Variants in HSF4 observed in about 807,000 individuals in gnomAD.
HSF4 encodes heat shock transcription factor 4.
Under a neutral mutation model 52.0 loss-of-function variants are expected in HSF4, and 41 were observed. The observed-to-expected ratio is 0.79, with a 90% CI of 0.61 to 1.02. The LOEUF (loss-of-function observed/expected upper bound fraction) is 1.02. HSF4 is among the 50% of genes least tolerant of loss of function. The probability of loss-of-function intolerance (pLI) is 0.00; values close to 1 mark genes in which losing one functional copy is unlikely to be tolerated. For synonymous variants in HSF4, 285 were observed against 273.0 expected, an observed-to-expected ratio of 1.04 and a Z score of -0.43; for missense variants, 610 against 651.1, an observed-to-expected ratio of 0.94 and a Z score of 0.69.
upstream of HSF4, chr16:67,164,687 C>T (rs2272420): frequency 1.4e-4 from 169 of 1,206,830 alleles, 1 homozygote; most frequent in East Asian, 5.0e-3. Context: ...TTGCACGTGG[C>T]CCCCGCCTGA....
rs372883466 is a variant in HSF4 at position 67,165,489 on chromosome 16, G to A, written c.124-33G>A. On this transcript the variant is annotated intron_variant, in intron 1 of 12. Coordinates refer to ENST00000521374, the MANE Select transcript of HSF4 (RefSeq NM_001374675.1). The surrounding 1 kb of genome is among the most constrained non-coding windows in gnomAD (Gnocchi z 6.9). The stretch of plus-strand genomic sequence containing the variant: ...GGCACCGCTCACCCTCCTGGTCTCC[G>A]CCCGCACGGTGGGCGGGCGGCGTTC... The A allele has an allele frequency of 1.0e-5, 16 of 1,598,800 alleles. No homozygotes were observed. Among genetic ancestry groups the A allele is most frequent in the African/African-American group, 2.7e-5 (2 of 74,590 alleles).
At position 67,169,730 on chromosome 16, in the gene HSF4, C is replaced by T. The variant is rs1290812813; in HGVS notation, c.1424C>T (p.Thr475Ile). ...GLPGALTIYS[T>I]PESRTASYLG... The stretch of plus-strand genomic sequence containing the variant: ...CCTGGGGCTTTAACCATTTATAGCA[C>T]TCCTGAGAGCCGGACTGCCTCCTAC... The change falls in exon 13 of 13, where the codon ACT becomes ATT. Residue 475 changes from threonine to isoleucine, a missense_variant. Transcript: ENST00000521374. The surrounding 1 kb of genome is among the most constrained non-coding windows in gnomAD (Gnocchi z 4.3). The T allele has an allele frequency of 1.2e-6, 2 of 1,613,026 alleles. No individual in the cohort carries two copies. The highest frequency in any genetic ancestry group is 2.7e-5 in the African/African-American group (2 of 74,926).
Position 67,167,706 on chromosome 16 carries a change from T to C in HSF4, c.855-14T>C, listed in dbSNP as rs745828590. 6.2e-7 allele frequency: 1 copy of C among 1,611,618 alleles called. No individual in the cohort carries two copies. Among genetic ancestry groups the C allele is most frequent in the African/African-American group, 1.3e-5 (1 of 74,924 alleles). ...TCAGTGCCAGGGTCTGGTTGAAGCT[T>C]TTCTCTGGTGCAGGGAGAAGGGCCT... is the stretch of plus-strand genomic sequence containing the variant. On this transcript the variant is annotated splice_polypyrimidine_tract_variant and intron_variant, in intron 8 of 12. Coordinates refer to ENST00000521374, the MANE Select transcript of HSF4 (RefSeq NM_001374675.1).
At position 67,165,878 on chromosome 16, in the gene HSF4, G is replaced by A. The variant is rs1409194856; in HGVS notation, c.360+32G>A. The A allele has an allele frequency of 6.3e-7, 1 of 1,597,372 alleles. No homozygotes were observed. Among genetic ancestry groups the A allele is most frequent in the Non-Finnish European group, 8.5e-7 (1 of 1,178,550 alleles). On this transcript the variant is annotated intron_variant, in intron 3 of 12. Transcript: ENST00000521374. The surrounding 1 kb of genome is among the most constrained non-coding windows in gnomAD (Gnocchi z 6.9). Reference sequence around the variant, plus strand: ...GCGGCCTGCGGGAATGAGCAAAGAGGAGGAGGGGTGCTGGGACTGCCTGCC... The same window carrying A: ...GCGGCCTGCGGGAATGAGCAAAGAGAAGGAGGGGTGCTGGGACTGCCTGCC...
At position 67,165,432 on chromosome 16, in the gene HSF4, C is replaced by A; in HGVS notation, c.124-90C>A. The stretch of plus-strand genomic sequence containing the variant: ...ACCCAAGAGTGAGCATGAGTGTGTG[C>A]GCGCGCTGGAGCGCAGGACTGGCCG... On this transcript the variant is annotated intron_variant, in intron 1 of 12. Coordinates refer to ENST00000521374, the MANE Select transcript of HSF4 (RefSeq NM_001374675.1). The surrounding 1 kb of genome is among the most constrained non-coding windows in gnomAD (Gnocchi z 6.9). 5 of 1,179,646 alleles carry A rather than the reference C, an allele frequency of 4.2e-6. No individual in the cohort carries two copies. The highest frequency in any genetic ancestry group is 2.5e-6 in the Non-Finnish European group (2 of 790,272). 73.1% of individuals were successfully genotyped at this position (1,179,646 alleles called of 1,614,324 possible). A position where few individuals can be genotyped will look rare whatever the true frequency, so the allele number is the denominator to read the frequency against.
rs758048453 is a variant in HSF4 at position 67,168,849 on chromosome 16, A to G, written c.1101A>G (p.Glu367=). ...EIPDRGPLGL[E]SGDRSPESLL... ...TGCACAGGGGGCCTCTGGGCCTGGAAAGCGGGGACAGGAGCCCAGAGAGTC... is the reference window on the plus strand; with the variant it reads ...TGCACAGGGGGCCTCTGGGCCTGGAGAGCGGGGACAGGAGCCCAGAGAGTC... The change falls in exon 10 of 13, where the codon GAA becomes GAG. Residue 367 remains glutamate, a synonymous_variant. Coordinates refer to ENST00000521374, the MANE Select transcript of HSF4 (RefSeq NM_001374675.1). 1 of 1,613,848 alleles carries G rather than the reference A, an allele frequency of 6.2e-7. No individual in the cohort carries two copies. Among genetic ancestry groups the G allele is most frequent in the South Asian group, 1.1e-5 (1 of 91,078 alleles).
intron 7 of HSF4, 48 bp from the exon 8 acceptor site, chr16:67,167,427 C>T (rs745879099): frequency 2.5e-6 from 4 of 1,613,566 alleles, no homozygotes; most frequent in East Asian, 2.2e-5. Context: ...GGTTCTGGCT[C>T]TCCCTGTGCC....
rs749316512 is a variant in HSF4, at chr16:67,167,559, CCT to C, written c.815_816del (p.Pro272ArgfsTer10). 2.5e-6 allele frequency: 4 copies of C among 1,613,640 alleles called. No individual in the cohort carries two copies. Among genetic ancestry groups the C allele is most frequent in the Non-Finnish European group, 2.5e-6 (3 of 1,180,018 alleles). ...TGACATCCCAGAAGACTCTCCATCC[CCT>C]GAGGGGACCAGGCTTTCTCCCTCCA... ...ISDIPEDSPSPEGTRLSPSSD... is the reference protein window; with the variant it reads ...ISDIPEDSPSXEGTRLSPSSD... On this transcript the variant is annotated frameshift_variant, in exon 8 of 13. Coordinates refer to ENST00000521374, the MANE Select transcript of HSF4 (RefSeq NM_001374675.1). LOFTEE classifies it high-confidence loss of function.
Position 67,169,911 on chromosome 16 carries a change from C to G in HSF4, c.*126C>G. The G allele has an allele frequency of 1.1e-6, 1 of 931,268 alleles. No homozygotes were observed. Among genetic ancestry groups the G allele is most frequent in the Non-Finnish European group, 1.7e-6 (1 of 586,726 alleles). 57.7% of individuals were successfully genotyped at this position (931,268 alleles called of 1,614,324 possible). A position where few individuals can be genotyped will look rare whatever the true frequency, so the allele number is the denominator to read the frequency against. The stretch of plus-strand genomic sequence containing the variant: ...AAATGGCCTCTCTCCACTACCCCGA[C>G]TATCCCTGCACATAAACTCCGTTTT... On this transcript the variant is annotated 3_prime_UTR_variant, in exon 13 of 13. Coordinates refer to ENST00000521374, the MANE Select transcript of HSF4 (RefSeq NM_001374675.1). The surrounding 1 kb of genome is among the most constrained non-coding windows in gnomAD (Gnocchi z 4.3).
chr16:67,163,807 C>T (rs765009599), upstream of HSF4: 1 of 1,551,284 alleles, frequency 6.4e-7, no homozygotes, highest in Non-Finnish European at 8.7e-7. Flanking sequence ...TGGAGGCCTA[C>T]GCTCGTGGCG....
rs1049785525 is a variant in HSF4 at position 67,169,300 on chromosome 16, C to A, written c.1276C>A (p.Arg426=). Residue 426 remains arginine (R), a synonymous_variant, in exon 12 of 13, where the codon CGG becomes AGG. Transcript: ENST00000521374. The surrounding 1 kb of genome is among the most constrained non-coding windows in gnomAD (Gnocchi z 4.3). ...GCAGATGCAGCCCTTGGTTCCAGAG[C>A]GGGGTGAGCCTGAGCTGGCGGTCAA... ...LSLMQPLVPE[R]GEPELAVKGL... 2.5e-6 allele frequency: 4 copies of A among 1,613,528 alleles called. No individual in the cohort carries two copies. The Admixed American group carries it at 5.0e-5, about 20-fold the overall frequency.
At position 67,165,924 on chromosome 16, in the gene HSF4, C is replaced by T. The variant is rs1431339667; in HGVS notation, c.361-22C>T. On this transcript the variant is annotated intron_variant, in intron 3 of 12. Coordinates refer to ENST00000521374, the MANE Select transcript of HSF4 (RefSeq NM_001374675.1). The surrounding 1 kb of genome is among the most constrained non-coding windows in gnomAD (Gnocchi z 6.9). ...CTGCCTTGCTCCTGCGACCCAGTCC[C>T]GACGGTGCCTCCCGCCTGCAGGTGC... The T allele has an allele frequency of 1.3e-6, 2 of 1,583,992 alleles. No homozygotes were observed. Among genetic ancestry groups the T allele is most frequent in the Admixed American group, 3.4e-5 (2 of 58,224 alleles).
In HSF4 at chr16:67,165,871, C is replaced by CAA; in HGVS notation, c.360+27_360+28dup. On this transcript the variant is annotated intron_variant, in intron 3 of 12. Transcript: ENST00000521374. The surrounding 1 kb of genome is among the most constrained non-coding windows in gnomAD (Gnocchi z 6.9). The stretch of plus-strand genomic sequence containing the variant: ...GGTGGGGGCGGCCTGCGGGAATGAG[C>CAA]AAAGAGGAGGAGGGGTGCTGGGACT... 9 of 1,598,588 alleles carry CAA rather than the reference C, an allele frequency of 5.6e-6. No homozygotes were observed. The highest frequency in any genetic ancestry group is 7.6e-6 in the Non-Finnish European group (9 of 1,178,652).
chr16:67,164,989 G>T, intron 1 of HSF4, 55 bp downstream of exon 1: 1 of 1,521,848 alleles, frequency 6.6e-7, no homozygotes. Flanking sequence ...CTCCACGTCA[G>T]TGAACACCCA....
rs749039219 is a variant in HSF4, at chr16:67,166,379, A to G, written c.545A>G (p.His182Arg). 4.3e-6 allele frequency: 7 copies of G among 1,609,664 alleles called. No individual in the cohort carries two copies. The South Asian group carries it at 6.6e-5, about 15-fold the overall frequency. Reference protein sequence around the residue: ...VTLRQSHGQQHRVIGKLIQCL... With the variant: ...VTLRQSHGQQRRVIGKLIQCL... Reference sequence around the variant, plus strand: ...CTTCGGCAGAGCCACGGTCAGCAGCACCGGGTCATTGGCAAGGTGTTCCTC... The same window carrying G: ...CTTCGGCAGAGCCACGGTCAGCAGCGCCGGGTCATTGGCAAGGTGTTCCTC... Residue 182 changes from histidine (H) to arginine (R), a missense_variant, in exon 5 of 13, where the codon CAC becomes CGC. By Grantham distance (29) the His-to-Arg change is conservative. Transcript: ENST00000521374.
At position 67,169,362 on chromosome 16, in the gene HSF4, T is replaced by G. The variant is rs1376781044; in HGVS notation, c.1324+14T>G. 6.2e-6 allele frequency: 10 copies of G among 1,610,916 alleles called. No homozygotes were observed. On this transcript the variant is annotated intron_variant, in intron 12 of 12. Coordinates refer to ENST00000521374, the MANE Select transcript of HSF4 (RefSeq NM_001374675.1). The surrounding 1 kb of genome is among the most constrained non-coding windows in gnomAD (Gnocchi z 4.3). ...CTCCAAGCCCAGGTAATGGTTGTGA[T>G]GACTCCTACCTGGGAGGACGCCGTG...
chr16:67,169,033 C>T lies in HSF4; in HGVS notation c.1189-3C>T. On this transcript the variant is annotated splice_polypyrimidine_tract_variant and splice_region_variant and intron_variant, in intron 10 of 12. Coordinates refer to ENST00000521374, the MANE Select transcript of HSF4 (RefSeq NM_001374675.1). The surrounding 1 kb of genome is among the most constrained non-coding windows in gnomAD (Gnocchi z 4.3). ...GGCACCACTGACCCAGAGCTCTCCTCAGGTGCTGGGCCCCAGTCTCCAAGG... is the reference window on the plus strand; with the variant it reads ...GGCACCACTGACCCAGAGCTCTCCTTAGGTGCTGGGCCCCAGTCTCCAAGG... 6.2e-7 allele frequency: 1 copy of T among 1,613,964 alleles called. No individual in the cohort carries two copies. Among genetic ancestry groups the T allele is most frequent in the Admixed American group, 1.7e-5 (1 of 60,030 alleles).
upstream of HSF4, chr16:67,163,977 C>G (rs1427801641): frequency 8.8e-7 from 1 of 1,138,102 alleles, no homozygotes; most frequent in African/African-American, 1.5e-5. Context: ...CGGGACCAGT[C>G]CTGGGCGCCC....
Position 67,165,913 on chromosome 16 carries a change from C to A in HSF4, c.361-33C>A, listed in dbSNP as rs751239474. 5.7e-6 allele frequency: 9 copies of A among 1,587,840 alleles called. No homozygotes were observed. The highest frequency in any genetic ancestry group is 1.1e-5 in the South Asian group (1 of 89,954). On this transcript the variant is annotated intron_variant, in intron 3 of 12. Coordinates refer to ENST00000521374, the MANE Select transcript of HSF4 (RefSeq NM_001374675.1). This position sits in a 1 kb window ranked among gnomAD's most constrained non-coding sequence, Gnocchi z 6.9. ...GCTGGGACTGCCTGCCTTGCTCCTG[C>A]GACCCAGTCCCGACGGTGCCTCCCG...
Sources: gnomAD v4.1 joint callset for allele counts on GRCh38, gnomAD v4.1.1 for gene constraint, Gnocchi (gnomAD v3.1) non-coding constraint, MANE v1.5 for transcripts, NCBI Gene and HGNC (gene_info 2026-07-23, HGNC 2026-07-21) for gene names.